LONP1: variants seen among roughly 807,000 people sequenced by gnomAD.
LONP1 encodes lon protease homolog, mitochondrial.
In LONP1, 31 loss-of-function variants were observed where a neutral mutation model predicts 98.5. The observed-to-expected ratio is 0.31, with a 90% confidence interval of 0.24 to 0.42. LONP1 has a LOEUF of 0.42. Ranked by LOEUF, LONP1 falls within the 20% of genes least tolerant of loss-of-function variation. LONP1 has a pLI of 1.00. For synonymous variants in LONP1, 781 were observed against 594.7 expected (o/e 1.31, Z -4.56); for missense variants, 1,336 against 1,350.6 (o/e 0.99, Z 0.17).
At chr19:5,706,105 C>T (rs906799691) in intron 7 of LONP1, 113 bp from the exon 8 acceptor site, 24 of 706,206 alleles carry the variant, frequency 3.4e-5, no homozygotes, top group African/African-American at 1.8e-4. Flanking sequence ...AGAAAAGAAA[C>T]GAAACCCAGA....
intron 7 of LONP1, 142 bp downstream of exon 7, chr19:5,706,918 A>C (rs990900777): frequency 1.5e-6 from 1 of 658,678 alleles, no homozygotes; most frequent in Non-Finnish European, 2.7e-6. Flanking sequence ...TGATGGCACG[A>C]AGCCCTCAAA....
Position 5,691,980 on chromosome 19 carries a change from TTCTGGCCCAGACAGGGCCTGA to T in LONP1, c.*31_*51del, listed in dbSNP as rs2054830671. 6.3e-7 allele frequency: 1 copy of T among 1,581,904 alleles called. No individual in the cohort carries two copies. The stretch of plus-strand genomic sequence containing the variant: ...CGGGCGCGCTCCCCACAGCGCTCAG[TTCTGGCCCAGACAGGGCCTGA>T]CATCCGCCGCCTGCAGTCCCGGGGT... On this transcript the variant is annotated 3_prime_UTR_variant, in exon 18 of 18. Transcript: ENST00000360614.
rs982078662 is a variant in LONP1 at position 5,692,215 on chromosome 19, G to T, written c.2704-7C>A. ...TCACCCCTGCGCGCTTGGCCTGGGG[G>T]CAGAGTCAGGGTCAGCCCTGCCTGG... On this transcript the variant is annotated splice_polypyrimidine_tract_variant and splice_region_variant and intron_variant, in intron 17 of 17. Transcript: ENST00000360614. The T allele has an allele frequency of 6.2e-7, 1 of 1,608,018 alleles. No individual in the cohort carries two copies. Among genetic ancestry groups the T allele is most frequent in the Middle Eastern group, 1.7e-4 (1 of 6,020 alleles).
intron 4 of LONP1, among the ~76,000 whole-genome samples, chr19:5,709,680 C>T (rs1272088359): frequency 2.0e-5 from 3 of 151,792 alleles, no homozygotes; most frequent in Admixed American, 6.6e-5. Flanking sequence ...GATGCTAAGG[C>T]GGGCGGATCA....
At chr19:5,711,615 A>G (rs1568325882) in intron 4 of LONP1, among the ~76,000 whole-genome samples, 156 bp downstream of exon 4, 1 of 151,988 alleles carries the variant, frequency 6.6e-6, no homozygotes, top group Non-Finnish European at 1.5e-5. Context: ...GAGGAAAAGC[A>G]CCCTCTATGT....
chr19:5,698,671 A>C (rs2054987051), intron 10 of LONP1, among the ~76,000 whole-genome samples: 1 of 152,166 alleles, frequency 6.6e-6, no homozygotes, highest in South Asian at 2.1e-4. Context: ...CTGGGGCATC[A>C]GCCACAGCCC....
intron 10 of LONP1, among the ~76,000 whole-genome samples, chr19:5,697,393 TGA>T (rs1047601203): frequency 6.6e-6 from 1 of 151,122 alleles, no homozygotes; most frequent in Non-Finnish European, 1.5e-5. Context: ...CGTGAGGGTC[TGA>T]GAGATGTGTT....
chr19:5,699,309 C>T (rs560370863), intron 9 of LONP1, 104 bp from the exon 10 acceptor site: 35 of 912,600 alleles, frequency 3.8e-5, no homozygotes, highest in East Asian at 1.5e-4. Flanking sequence ...CTGAGGGCTG[C>T]GAGAAGGGAC....
intron 8 of LONP1, among the ~76,000 whole-genome samples, chr19:5,702,990 C>G (rs927883103): frequency 6.8e-6 from 1 of 147,432 alleles, no homozygotes. Flanking sequence ...TCCCCCTCTG[C>G]GAGAAACACC....
intron 9 of LONP1, 125 bp from the exon 10 acceptor site, chr19:5,699,330 C>T (rs1257663028): frequency 1.2e-5 from 9 of 731,956 alleles, no homozygotes; most frequent in South Asian, 3.2e-5. Context: ...CAGGATTGTC[C>T]GGGAGGCTGA....
chr19:5,713,347 G>T, intron 2 of LONP1, 94 bp from the exon 3 acceptor site: 1 of 1,454,080 alleles, frequency 6.9e-7, no homozygotes. Flanking sequence ...GAAAAGAAAC[G>T]CCCCTACCAA....
intron 17 of LONP1, 115 bp downstream of exon 17, chr19:5,693,183 A>G: frequency 7.5e-7 from 1 of 1,334,816 alleles, no homozygotes; most frequent in African/African-American, 1.5e-5. Context: ...CCTGCTTCCA[A>G]AGCCCAGGGC....
intron 6 of LONP1, 121 bp from the exon 7 acceptor site, chr19:5,707,264 C>T (rs1472418227): frequency 1.0e-5 from 8 of 766,986 alleles, no homozygotes; most frequent in Non-Finnish European, 1.8e-5. Context: ...CCATGCTGTA[C>T]CCAGCACAGA....
chr19:5,720,196 A>T, upstream of LONP1: 2 of 1,383,060 alleles, frequency 1.4e-6, no homozygotes, highest in Non-Finnish European at 1.9e-6. Flanking sequence ...AACGCACGTG[A>T]CGCCCGGCGC....
At chr19:5,715,195 T>C (rs561460727) in intron 1 of LONP1, among the ~76,000 whole-genome samples, 10 of 152,054 alleles carry the variant, frequency 6.6e-5, no homozygotes, top group Admixed American at 3.9e-4. Flanking sequence ...AACCCAGAAA[T>C]TGATTTAACA....
intron 11 of LONP1, 147 bp from the exon 12 acceptor site, chr19:5,696,518 TGTGG>T: frequency 7.6e-7 from 1 of 1,321,258 alleles, no homozygotes; most frequent in Non-Finnish European, 1.0e-6. Context: ...TGGGCGTGGC[TGTGG>T]GTGGGAGGGA....
At chr19:5,693,116 T>C (rs1260973803) in intron 17 of LONP1, among the ~76,000 whole-genome samples, 182 bp downstream of exon 17, 1 of 152,168 alleles carries the variant, frequency 6.6e-6, no homozygotes, top group East Asian at 1.9e-4. Flanking sequence ...CCACAAGACT[T>C]GCTGTGGAGA....
In LONP1 at chr19:5,693,225, T is replaced by G. The variant is rs767244669; in HGVS notation, c.2703+73A>C. ...CTCCTTGGCCCAGGCAGAGGTTGCA[T>G]GGCGGGGACTGGGCCTGTCCCGTGG... On this transcript the variant is annotated intron_variant, in intron 17 of 17. Transcript: ENST00000360614. 316 of 1,522,280 alleles carry G rather than the reference T, an allele frequency of 2.1e-4. 1 individual carries two copies. Among genetic ancestry groups the G allele is most frequent in the South Asian group, 4.6e-4 (37 of 80,554 alleles). The allele number at this position is 1,522,280 out of a possible 1,614,324, so 94.3% of individuals were successfully genotyped here. A position where few individuals can be genotyped will look rare whatever the true frequency, so the allele number is the denominator to read the frequency against.
rs1302215886 is a variant in LONP1, at chr19:5,691,840, A to G, written c.*192T>C. 5.0e-6 allele frequency: 4 copies of G among 806,602 alleles called. No homozygotes were observed. The highest frequency in any genetic ancestry group is 1.9e-6 in the Non-Finnish European group (1 of 517,142). The allele number at this position is 806,602 out of a possible 1,614,324, so 50.0% of individuals were successfully genotyped here. On this transcript the variant is annotated 3_prime_UTR_variant, in exon 18 of 18. Transcript: ENST00000360614. Reference sequence around the variant, plus strand: ...GCAGGTGAGGAAGCCGCCGTACTGCAAATGACTTTAATCATTAAATAGCTT... The same window carrying G: ...GCAGGTGAGGAAGCCGCCGTACTGCGAATGACTTTAATCATTAAATAGCTT...
Sources: gnomAD v4.1 joint callset for allele counts (sites outside exome capture counted in the v4.1 genomes callset) on GRCh38, gnomAD v4.1.1 for gene constraint, MANE v1.5 for transcripts, NCBI Gene and HGNC (gene_info 2026-07-23, HGNC 2026-07-21) for gene names.